The following LAMC2 variants were observed in gnomAD, a reference collection of about 807,000 sequenced individuals.
The protein encoded by LAMC2 is laminin subunit gamma-2.
LAMC2 carries 97 observed loss-of-function variants against 140.2 expected under a neutral mutation model. The observed-to-expected ratio is 0.69, with a 90% CI of 0.59 to 0.82. The LOEUF (loss-of-function observed/expected upper bound fraction) is 0.82, where lower values mean the gene tolerates loss of function less well. Ranked by LOEUF, LAMC2 falls within the 40% of genes least tolerant of loss-of-function variation. The pLI is 0.00. For synonymous variants in LAMC2, 513 were observed against 540.2 expected, an observed-to-expected ratio of 0.95 and a Z score of 0.70; for missense variants, 1,402 against 1,476.1, an observed-to-expected ratio of 0.95 and a Z score of 0.82.
At chr1:183,235,893 A>G (rs1240421709) in intron 16 of LAMC2, among the ~76,000 whole-genome samples, 163 bp downstream of exon 16, 1 of 152,196 alleles carries the variant, frequency 6.6e-6, no homozygotes, top group South Asian at 2.1e-4. Flanking sequence ...AAAAGCAGAT[A>G]TTTTTAAGAC....
intron 2 of LAMC2, among the ~76,000 whole-genome samples, chr1:183,208,597 G>T (rs1231687719): frequency 1.3e-5 from 2 of 152,210 alleles, no homozygotes; most frequent in Non-Finnish European, 2.9e-5. Context: ...CTTTCATTAG[G>T]TTGCTAAAAA....
chr1:183,208,806 A>T (rs2102198279), intron 2 of LAMC2, among the ~76,000 whole-genome samples: 1 of 152,064 alleles, frequency 6.6e-6, no homozygotes, highest in East Asian at 1.9e-4. Context: ...TAGCTTCCTG[A>T]GTAGCTGGGA....
At chr1:183,218,009 T>C (rs995370561) in intron 3 of LAMC2, among the ~76,000 whole-genome samples, 8 of 152,186 alleles carry the variant, frequency 5.3e-5, no homozygotes, top group African/African-American at 1.9e-4. Context: ...AAAGCAGACA[T>C]CATTTAATTA....
At chr1:183,224,540 C>G (rs1659570375) in intron 7 of LAMC2, among the ~76,000 whole-genome samples, 1 of 152,182 alleles carries the variant, frequency 6.6e-6, no homozygotes, top group African/African-American at 2.4e-5. Flanking sequence ...ACCATCAGAA[C>G]ACATTCAGAG....
At chr1:183,218,260 G>C (rs751004731) in intron 3 of LAMC2, 130 bp from the exon 4 acceptor site, 17 of 756,692 alleles carry the variant, frequency 2.2e-5, no homozygotes, top group Middle Eastern at 2.8e-4. Context: ...GGCGAGGATG[G>C]CTAGGAGAAG....
chr1:183,197,635 T>C (rs1023508396), intron 1 of LAMC2, among the ~76,000 whole-genome samples: 4 of 149,874 alleles, frequency 2.7e-5, no homozygotes, highest in African/African-American at 5.0e-5. Context: ...GAGATCGTGC[T>C]ACTGCACTCC....
chr1:183,247,959 C>G (rs1660273695), downstream of LAMC2, among the ~76,000 whole-genome samples: 1 of 152,220 alleles, frequency 6.6e-6, no homozygotes, highest in African/African-American at 2.4e-5. Context: ...TTAACCAACA[C>G]TGGACTATGC....
In LAMC2 at chr1:183,197,281, C is replaced by G. The variant is rs187108703; in HGVS notation, c.80-10600C>G. 6.4e-4 allele frequency among the ~76,000 whole-genome samples: 98 copies of G among 152,288 alleles called. 1 individual carries two copies. The highest frequency in any genetic ancestry group is 2.2e-3 in the African/African-American group (93 of 41,562). On this transcript the variant is annotated intron_variant, in intron 1 of 22. Transcript: ENST00000264144. Reference sequence around the variant, plus strand: ...TAGGCAGGTGAGAAAGATGGAGAACCTGTAAGGATAGCTTCCAGCTTTCCG... The same window carrying G: ...TAGGCAGGTGAGAAAGATGGAGAACGTGTAAGGATAGCTTCCAGCTTTCCG...
chr1:183,215,464 G>T lies in LAMC2; in HGVS notation c.280G>T (p.Ala94Ser). The T allele has an allele frequency of 1.2e-6, 2 of 1,613,932 alleles. No individual in the cohort carries two copies. Among genetic ancestry groups the T allele is most frequent in the Non-Finnish European group, 8.5e-7 (1 of 1,179,996 alleles). The change falls in exon 3 of 23, where the codon GCT becomes TCT. Residue 94 changes from alanine (A) to serine (S), a missense_variant. Transcript: ENST00000264144. ...CTTGTGGGTTTCAGGTTCTCTTAGTGCTCGATGTGACAACTCCGGACGGTG... is the reference window on the plus strand; with the variant it reads ...CTTGTGGGTTTCAGGTTCTCTTAGTTCTCGATGTGACAACTCCGGACGGTG... ...CNCNSKGSLS[A>S]RCDNSGRCSC...
chr1:183,248,206 A>G (rs1660279011), downstream of LAMC2: 1 of 152,666 alleles, frequency 6.6e-6, no homozygotes, highest in Non-Finnish European at 1.5e-5. Flanking sequence ...GCTGCAATTC[A>G]CAGAGAAAGT....
chr1:183,237,282 A>G, intron 17 of LAMC2, 70 bp from the exon 18 acceptor site: 1 of 1,543,004 alleles, frequency 6.5e-7, no homozygotes, highest in Non-Finnish European at 9.0e-7. Context: ...CAATGGTGCC[A>G]GGTCCTAACA....
intron 2 of LAMC2, among the ~76,000 whole-genome samples, chr1:183,214,904 T>A (rs551118497): frequency 1.3e-5 from 2 of 152,292 alleles, no homozygotes; most frequent in Admixed American, 1.3e-4. Context: ...TACAGTCCCC[T>A]AAGTAAGGCA....
At chr1:183,198,136 CTTTCTTTTTTTTTTTTT>C (rs1044861542) in intron 1 of LAMC2, among the ~76,000 whole-genome samples, 20 of 115,106 alleles carry the variant, frequency 1.7e-4, no homozygotes, top group Non-Finnish European at 3.8e-4. Context: ...TTTTTTTTTT[CTTTCTTTTTTTTTTTTT>C]TTTAATTGAG....
chr1:183,241,201 T>C (rs1192010115), intron 22 of LAMC2: 2 of 667,060 alleles, frequency 3.0e-6, no homozygotes, highest in Non-Finnish European at 3.7e-6. Flanking sequence ...TGAGCCAAGA[T>C]TGCACCACTG....
chr1:183,200,707 G>A (rs912761559), intron 1 of LAMC2, among the ~76,000 whole-genome samples: 2 of 152,084 alleles, frequency 1.3e-5, no homozygotes, highest in Non-Finnish European at 2.9e-5. Flanking sequence ...GTGTTGTGAA[G>A]TGAGCCCGAG....
chr1:183,215,783 T>C (rs1571518782), intron 3 of LAMC2, among the ~76,000 whole-genome samples, 195 bp downstream of exon 3: 1 of 152,196 alleles, frequency 6.6e-6, no homozygotes, highest in East Asian at 1.9e-4. Flanking sequence ...ATTTCAAAGA[T>C]AAAAAACTTA....
chr1:183,240,160 G>A lies in LAMC2; in HGVS notation c.3190G>A (p.Glu1064Lys), dbSNP rs1281151177. ...AGTGGAAGGAGAGCTGGAAAGGAAG[G>A]AGCTGGAGTTTGACACGAATATGGA... ...REVEGELERK[E>K]LEFDTNMDAV... Residue 1064 changes from glutamate (E) to lysine (K), a missense_variant, in exon 21 of 23, where the codon GAG becomes AAG. Glu to Lys is a moderately conservative substitution (Grantham distance 56). Coordinates refer to ENST00000264144, the MANE Select transcript of LAMC2 (RefSeq NM_005562.3). 1.2e-6 allele frequency: 2 copies of A among 1,614,100 alleles called. No homozygotes were observed. Among genetic ancestry groups the A allele is most frequent in the Non-Finnish European group, 1.7e-6 (2 of 1,180,048 alleles).
chr1:183,204,420 AC>A (rs1350504952), intron 1 of LAMC2, among the ~76,000 whole-genome samples: 1 of 150,706 alleles, frequency 6.6e-6, no homozygotes, highest in African/African-American at 2.4e-5. Flanking sequence ...ACATGGTGAA[AC>A]CCCGTCTCTA....
rs1175207225 is a variant in LAMC2 at position 183,243,148 on chromosome 1, C to G, written c.3330C>G (p.Asp1110Glu). 6.2e-7 allele frequency: 1 copy of G among 1,613,816 alleles called. No individual in the cohort carries two copies. The highest frequency in any genetic ancestry group is 1.1e-5 in the South Asian group (1 of 91,048). Reference protein sequence around the residue: ...NTLDGLLHLMDQPLSVDEEGL... With the variant: ...NTLDGLLHLMEQPLSVDEEGL... Reference sequence around the variant, plus strand: ...CTTGTGTCTCATTCCTTGAAATAGACCAGCCTCTCAGTGTAGATGAAGAGG... The same window carrying G: ...CTTGTGTCTCATTCCTTGAAATAGAGCAGCCTCTCAGTGTAGATGAAGAGG... Residue 1110 changes from aspartate to glutamate, a missense_variant and splice_region_variant, in exon 23 of 23, where the codon GAC becomes GAG. Physicochemically the swap from Asp to Glu is conservative, Grantham distance 45. Around this residue, in one of 3 missense-constraint regions of LAMC2, gnomAD observed 670 missense variants for 667.2 expected, o/e 1.00. Transcript: ENST00000264144.
Sources: allele counts gnomAD v4.1 joint callset (sites outside exome capture counted in the v4.1 genomes callset), GRCh38; gene constraint gnomAD v4.1.1; regional missense constraint gnomAD v4.1.1; transcripts MANE v1.5; gene names NCBI Gene and HGNC (gene_info 2026-07-23, HGNC 2026-07-21).